DPYD: variants seen among roughly 807,000 people sequenced by gnomAD.
The protein encoded by DPYD is dihydropyrimidine dehydrogenase [NADP(+)].
In DPYD, 109 loss-of-function variants were observed where a neutral mutation model predicts 116.2. That is an observed-to-expected ratio of 0.94 (90% CI 0.80 to 1.10). The LOEUF is 1.10. Ranked by LOEUF, DPYD falls within the 50% of genes least tolerant of loss-of-function variation. DPYD has a pLI of 0.00. For synonymous variants in DPYD, 440 were observed against 432.0 expected, an observed-to-expected ratio of 1.02 and a Z score of -0.23; for missense variants, 1,302 against 1,254.5, an observed-to-expected ratio of 1.04 and a Z score of -0.57.
intron 8 of DPYD, 35 bp downstream of exon 8, chr1:97,679,058 CAT>C (rs1419989319): frequency 5.8e-5 from 58 of 1,003,014 alleles, no homozygotes; most frequent in Non-Finnish European, 8.0e-5. Flanking sequence ...TAAAAAAATA[CAT>C]TATAAATAAA....
At chr1:97,094,844 T>A (rs1650131075) in intron 21 of DPYD, among the ~76,000 whole-genome samples, 1 of 152,140 alleles carries the variant, frequency 6.6e-6, no homozygotes, top group Non-Finnish European at 1.5e-5. Flanking sequence ...GTTCTTTCAA[T>A]CCTTTTCTAC....
intron 20 of DPYD, among the ~76,000 whole-genome samples, chr1:97,129,754 T>C (rs927058430): frequency 3.3e-4 from 51 of 152,334 alleles, no homozygotes; most frequent in African/African-American, 1.2e-3. Flanking sequence ...TCTACTGTCA[T>C]TGCATCCTAT....
intron 3 of DPYD, among the ~76,000 whole-genome samples, chr1:97,808,367 CTAATTTAAATGA>C (rs1336499643): frequency 6.6e-6 from 1 of 151,998 alleles, no homozygotes; most frequent in Non-Finnish European, 1.5e-5. Flanking sequence ...TTTTTTGGTG[CTAATTTAAATGA>C]TATTATCTTT....
chr1:97,274,371 C>G (rs1044487523), intron 18 of DPYD, among the ~76,000 whole-genome samples: 3 of 152,050 alleles, frequency 2.0e-5, no homozygotes, highest in Non-Finnish European at 4.4e-5. Context: ...TTTAAAAGAG[C>G]CTGGCATCTC....
intron 3 of DPYD, among the ~76,000 whole-genome samples, chr1:97,776,487 C>A (rs1251431295): frequency 6.6e-6 from 1 of 152,186 alleles, no homozygotes; most frequent in Non-Finnish European, 1.5e-5. Context: ...CTGTATCATA[C>A]AACCTGCAAG....
chr1:97,228,415 A>C (rs1040094154), intron 19 of DPYD, among the ~76,000 whole-genome samples: 4 of 152,186 alleles, frequency 2.6e-5, no homozygotes, highest in African/African-American at 9.6e-5. Context: ...TTTTGAAATT[A>C]CTAATTTGAG....
At chr1:97,142,865 C>T (rs1383115998) in intron 20 of DPYD, among the ~76,000 whole-genome samples, 1 of 151,812 alleles carries the variant, frequency 6.6e-6, no homozygotes, top group African/African-American at 2.4e-5. Flanking sequence ...AATATTTGAT[C>T]AATAATTCTT....
chr1:97,128,285 T>G (rs1195814625), intron 20 of DPYD, among the ~76,000 whole-genome samples: 2 of 152,180 alleles, frequency 1.3e-5, no homozygotes, highest in African/African-American at 4.8e-5. Flanking sequence ...TGAGTTCTCA[T>G]TTACTGATGC....
At chr1:97,097,098 TCA>T (rs1650316312) in intron 21 of DPYD, among the ~76,000 whole-genome samples, 1 of 152,178 alleles carries the variant, frequency 6.6e-6, no homozygotes, top group Non-Finnish European at 1.5e-5. Flanking sequence ...TTTGTTCAGT[TCA>T]TACTTTTAGT....
intron 20 of DPYD, among the ~76,000 whole-genome samples, chr1:97,164,535 C>T (rs1269593387): frequency 6.6e-6 from 1 of 152,120 alleles, no homozygotes; most frequent in Non-Finnish European, 1.5e-5. Flanking sequence ...ACCTCATAGT[C>T]TTGCCCCAAA....
chr1:97,674,379 A>G (rs982504329), intron 8 of DPYD, among the ~76,000 whole-genome samples: 3 of 152,208 alleles, frequency 2.0e-5, no homozygotes, highest in Admixed American at 2.0e-4. Flanking sequence ...TCTAAAAACA[A>G]AAATTCAAAG....
chr1:97,845,176 T>A (rs1399007960), intron 2 of DPYD, among the ~76,000 whole-genome samples: 1 of 152,212 alleles, frequency 6.6e-6, no homozygotes. Flanking sequence ...AGCCCCACCT[T>A]CAAGCCAGGG....
intron 19 of DPYD, among the ~76,000 whole-genome samples, chr1:97,202,142 G>A (rs954623443): frequency 2.6e-5 from 4 of 152,060 alleles, no homozygotes; most frequent in Admixed American, 6.6e-5. Context: ...GAATAGCCCC[G>A]GAGATGTTGT....
At chr1:97,265,839 T>C (rs1664193469) in intron 18 of DPYD, among the ~76,000 whole-genome samples, 1 of 152,160 alleles carries the variant, frequency 6.6e-6, no homozygotes, top group African/African-American at 2.4e-5. Context: ...AAAATTTTGA[T>C]ACTCTCTACT....
chr1:97,864,785 G>A (rs1282261907), intron 2 of DPYD, among the ~76,000 whole-genome samples: 3 of 151,838 alleles, frequency 2.0e-5, no homozygotes, highest in African/African-American at 4.8e-5. Context: ...GTAACAAAGA[G>A]GTCATTTGAA....
Position 97,549,705 on chromosome 1 carries a change from C to A in DPYD, c.1379G>T (p.Gly460Val). The A allele has an allele frequency of 1.9e-6, 3 of 1,613,688 alleles. No homozygotes were observed. Among genetic ancestry groups the A allele is most frequent in the East Asian group, 2.2e-5 (1 of 44,850 alleles). Residue 460 changes from glycine to valine, a missense_variant, in exon 12 of 23, where the codon GGT becomes GTT. Physicochemically the swap from Gly to Val is moderately radical, Grantham distance 109 (BLOSUM62 -3). Coordinates refer to ENST00000370192, the MANE Select transcript of DPYD (RefSeq NM_000110.4). ...AGTTTCTGGATCTACTTCTGGGAGA[C>A]CCCATCTGTTAAATTTTATAGGGCT... is the stretch of plus-strand genomic sequence containing the variant. ...ALSPIKFNRWGLPEVDPETMQ... is the reference protein window; with the variant it reads ...ALSPIKFNRWVLPEVDPETMQ...
intron 20 of DPYD, among the ~76,000 whole-genome samples, chr1:97,185,593 A>T (rs1422499862): frequency 6.6e-6 from 1 of 152,214 alleles, no homozygotes; most frequent in Admixed American, 6.5e-5. Context: ...ACTTAGAGTA[A>T]ATAAATTGTG....
chr1:97,507,163 A>G (rs1647400603), intron 13 of DPYD, among the ~76,000 whole-genome samples: 1 of 151,988 alleles, frequency 6.6e-6, no homozygotes, highest in Non-Finnish European at 1.5e-5. Flanking sequence ...AATTCTTTAT[A>G]ATTGGAGGAT....
In DPYD at chr1:97,306,173, T is replaced by C. The variant is rs746718279; in HGVS notation, c.2179+4A>G. On this transcript the variant is annotated splice_donor_region_variant and intron_variant, in intron 17 of 22. Coordinates refer to ENST00000370192, the MANE Select transcript of DPYD (RefSeq NM_000110.4). The stretch of plus-strand genomic sequence containing the variant: ...CGGGCAACTGATTCAAGTCAAGTTC[T>C]TACCTTCCTTTGCAGCTCTTGCGAT... The C allele has an allele frequency of 9.3e-6, 15 of 1,612,212 alleles. No homozygotes were observed. The Middle Eastern group carries it at 8.2e-4, about 89-fold the overall frequency.
Sources: allele counts gnomAD v4.1 joint callset (sites outside exome capture counted in the v4.1 genomes callset), GRCh38; gene constraint gnomAD v4.1.1; transcripts MANE v1.5; gene names NCBI Gene and HGNC (gene_info 2026-07-23, HGNC 2026-07-21).